ADGRF5: variants seen among roughly 807,000 people sequenced by gnomAD.
ADGRF5 encodes adhesion G protein-coupled receptor F5, also known as G-protein coupled receptor 116.
Under a neutral mutation model 132.3 loss-of-function variants are expected in ADGRF5, and 75 were observed. That is an observed-to-expected ratio of 0.57 (90% CI 0.47 to 0.69). ADGRF5 has a LOEUF of 0.69. ADGRF5 is among the 30% of genes least tolerant of loss of function. The pLI is 0.00. For missense variants in ADGRF5, 1,516 were observed against 1,630.6 expected (o/e 0.93, Z 1.21); for synonymous variants, 629 against 597.6 (o/e 1.05, Z -0.77).
intron 10 of ADGRF5, 82 bp downstream of exon 10, chr6:46,878,120 C>A: frequency 5.7e-6 from 5 of 872,554 alleles, no homozygotes; most frequent in Non-Finnish European, 9.7e-6. Context: ...TGACATTTCC[C>A]CTTCCATACG....
In ADGRF5 at chr6:46,914,103, A is replaced by C. The variant is rs180884063; in HGVS notation, c.-24-7317T>G. Among the ~76,000 whole-genome samples, 23 of 152,310 alleles carry C rather than the reference A, an allele frequency of 1.5e-4. No homozygotes were observed. In the East Asian group the frequency reaches 3.9e-3, roughly 26 times the overall value. The stretch of plus-strand genomic sequence containing the variant: ...CTACTAAAGAATAGAGTTACTTTTA[A>C]TGGTGGATGATAGATGGCAATGCCA... On this transcript the variant is annotated intron_variant, in intron 1 of 20. Coordinates refer to ENST00000283296, the MANE Select transcript of ADGRF5 (RefSeq NM_001098518.2).
At position 46,858,742 on chromosome 6, in the gene ADGRF5, A is replaced by G. The variant is rs1271900656; in HGVS notation, c.3161T>C (p.Ile1054Thr). The G allele has an allele frequency of 1.2e-6, 2 of 1,614,022 alleles. No homozygotes were observed. Among genetic ancestry groups the G allele is most frequent in the Non-Finnish European group, 1.7e-6 (2 of 1,180,022 alleles). Residue 1054 changes from isoleucine to threonine, a missense_variant, in exon 17 of 21, where the codon ATA becomes ACA. This residue lies in a region of ADGRF5 where 571 missense variants were observed against 701.2 expected (regional missense o/e 0.81). Transcript: ENST00000283296. ...CAGAAGGGAGGCAGCGATATTCACT[A>G]TGCAGGTGTGGCGCATATAAGAAGT... is the stretch of plus-strand genomic sequence containing the variant. ...NRTSYMRHTC[I>T]VNIAASLLVA...
intron 1 of ADGRF5, among the ~76,000 whole-genome samples, chr6:46,946,406 G>A (rs990367827): frequency 1.3e-5 from 2 of 152,202 alleles, no homozygotes; most frequent in East Asian, 3.9e-4. Context: ...AGCGTAGACA[G>A]AACACAATGT....
chr6:46,854,180 C>T (rs1768775437), intron 20 of ADGRF5, 109 bp from the exon 21 acceptor site: 6 of 714,562 alleles, frequency 8.4e-6, no homozygotes, highest in Non-Finnish European at 1.1e-5. Context: ...GCCAGGTAAG[C>T]TCGGCCATGC....
chr6:46,888,448 T>G lies in ADGRF5; in HGVS notation c.215A>C (p.Glu72Ala), dbSNP rs1359629431. ...EYTVNIEISFENASFLDPIKA... is the reference protein window; with the variant it reads ...EYTVNIEISFANASFLDPIKA... ...GATAGGATCCAGGAAGGATGCATTT[T>G]CAAAACTGATCTCAATATTAACAGT... Residue 72 changes from glutamate (E) to alanine (A), a missense_variant, in exon 4 of 21, where the codon GAA becomes GCA. Physicochemically the swap from Glu to Ala is moderately radical, Grantham distance 107. Coordinates refer to ENST00000283296, the MANE Select transcript of ADGRF5 (RefSeq NM_001098518.2). 6.2e-7 allele frequency: 1 copy of G among 1,613,074 alleles called. No individual in the cohort carries two copies. The highest frequency in any genetic ancestry group is 2.2e-5 in the East Asian group (1 of 44,856).
upstream of ADGRF5, among the ~76,000 whole-genome samples, chr6:46,923,053 A>G (rs1777066884): frequency 6.6e-6 from 1 of 152,176 alleles, no homozygotes; most frequent in South Asian, 2.1e-4. Context: ...CAGCTTTCCC[A>G]GTAGCTGGGA....
At position 46,896,809 on chromosome 6, in the gene ADGRF5, TA is replaced by T. The variant is rs576919740; in HGVS notation, c.157+3219del. 2.0e-3 allele frequency among the ~76,000 whole-genome samples: 304 copies of T among 152,174 alleles called. 1 individual carries two copies. The highest frequency in any genetic ancestry group is 6.8e-3 in the African/African-American group (283 of 41,520). ...ACCAATCTCAGATGGAAAATATTTT[TA>T]AAAATTTTGTCTATACCGAACATGT... On this transcript the variant is annotated intron_variant, in intron 3 of 20. Coordinates refer to ENST00000283296, the MANE Select transcript of ADGRF5 (RefSeq NM_001098518.2).
Position 46,869,027 on chromosome 6 carries a change from T to G in ADGRF5, c.1477A>C (p.Ile493Leu). 3.7e-6 allele frequency: 6 copies of G among 1,613,874 alleles called. No homozygotes were observed. Among genetic ancestry groups the G allele is most frequent in the Non-Finnish European group, 4.2e-6 (5 of 1,179,768 alleles). ...SEGQNFSIKC[I>L]SDVSNYDEVY... is the part of the protein sequence containing the mutation. ...TCATCATAGTTACTCACATCACTGA[T>G]GCATTTTATAGAAAAGTTTTGTCCC... Residue 493 changes from isoleucine (I) to leucine (L), a missense_variant, in exon 12 of 21, where the codon ATC becomes CTC. By Grantham distance (5) the Ile-to-Leu change is conservative. Transcript: ENST00000283296.
intron 1 of ADGRF5, among the ~76,000 whole-genome samples, chr6:46,941,476 A>AAAAGAAAAG (rs1227501837): frequency 8.3e-6 from 1 of 120,640 alleles, no homozygotes; most frequent in Non-Finnish European, 1.8e-5. Flanking sequence ...GAAAGAAAAG[A>AAAAGAAAAG]AAAGAAAAGA....
chr6:46,862,885 C>T lies in ADGRF5; in HGVS notation c.2199+3G>A, dbSNP rs957895377. 3 of 1,596,322 alleles carry T rather than the reference C, an allele frequency of 1.9e-6. No homozygotes were observed. In the African/African-American group the frequency reaches 4.0e-5, roughly 22 times the overall value. ...AGCTCAGAGTGGAAGCTTTAAGGAT[C>T]ACCTTAGCCATCTGGAGCAGACTGT... is the stretch of plus-strand genomic sequence containing the variant. On this transcript the variant is annotated splice_donor_region_variant and intron_variant, in intron 15 of 20. Transcript: ENST00000283296.
chr6:46,869,321 T>C (rs1770799700), intron 11 of ADGRF5: 1 of 985,220 alleles, frequency 1.0e-6, no homozygotes, highest in Non-Finnish European at 1.2e-6. Context: ...TTCCATCACA[T>C]GCCTTAGGAC....
At chr6:46,952,037 C>G (rs538578471) in intron 1 of ADGRF5, among the ~76,000 whole-genome samples, 2 of 152,266 alleles carry the variant, frequency 1.3e-5, no homozygotes, top group African/African-American at 4.8e-5. Context: ...CAGGGATTCT[C>G]TCCCCTGTAG....
At chr6:46,945,915 T>C (rs1778286784) in intron 1 of ADGRF5, among the ~76,000 whole-genome samples, 1 of 152,152 alleles carries the variant, frequency 6.6e-6, no homozygotes, top group Non-Finnish European at 1.5e-5. Context: ...TATTAAACCA[T>C]CAGATCTCAT....
At chr6:46,917,403 A>T (rs1226980671) in intron 1 of ADGRF5, among the ~76,000 whole-genome samples, 1 of 152,224 alleles carries the variant, frequency 6.6e-6, no homozygotes, top group South Asian at 2.1e-4. Context: ...GTAATTAGGC[A>T]TATGGACTCT....
intron 1 of ADGRF5, among the ~76,000 whole-genome samples, chr6:46,951,176 T>A (rs930625371): frequency 1.3e-5 from 2 of 152,174 alleles, no homozygotes; most frequent in Admixed American, 1.3e-4. Flanking sequence ...CAGAAAACAT[T>A]CAGTTGCTGA....
chr6:46,892,197 C>T (rs1773717295), intron 3 of ADGRF5, among the ~76,000 whole-genome samples: 1 of 119,980 alleles, frequency 8.3e-6, no homozygotes, highest in East Asian at 2.3e-4. Flanking sequence ...CACACACACA[C>T]ACACACACAC....
chr6:46,865,794 T>C (rs1746208828), intron 13 of ADGRF5, among the ~76,000 whole-genome samples: 1 of 152,244 alleles, frequency 6.6e-6, no homozygotes, highest in African/African-American at 2.4e-5. Flanking sequence ...CTACTGTTTT[T>C]TTAGTCTGTA....
At chr6:46,902,515 G>A (rs532130347) in intron 2 of ADGRF5, among the ~76,000 whole-genome samples, 5 of 152,302 alleles carry the variant, frequency 3.3e-5, no homozygotes, top group Admixed American at 1.3e-4. Flanking sequence ...TAAGAATCAG[G>A]ATCATTGGTC....
chr6:46,947,700 G>A (rs1778350400), intron 1 of ADGRF5, among the ~76,000 whole-genome samples: 1 of 152,204 alleles, frequency 6.6e-6, no homozygotes, highest in South Asian at 2.1e-4. Flanking sequence ...AACCTGCCCT[G>A]TGAACCTCTG....
Sources: allele counts gnomAD v4.1 joint callset (sites outside exome capture counted in the v4.1 genomes callset), GRCh38; gene constraint gnomAD v4.1.1; regional missense constraint gnomAD v4.1.1; transcripts MANE v1.5; gene names NCBI Gene and HGNC (gene_info 2026-07-23, HGNC 2026-07-21).